Variants in CRAMP1 observed in about 807,000 individuals in gnomAD.
CRAMP1 encodes the protein protein cramped-like.
In CRAMP1, 50 loss-of-function variants were observed where a neutral mutation model predicts 115.4. That is an observed-to-expected ratio of 0.43 (90% confidence interval 0.35 to 0.55). CRAMP1 has a LOEUF of 0.55. CRAMP1 is among the 20% of genes least tolerant of loss of function. The pLI, the probability that CRAMP1 is intolerant of heterozygous loss-of-function variation, is 0.01. For missense variants in CRAMP1, 1,679 were observed against 1,721.7 expected, an observed-to-expected ratio of 0.98 and a Z score of 0.44; for synonymous variants, 866 against 745.4, an observed-to-expected ratio of 1.16 and a Z score of -2.64.
chr16:1,632,706 G>A (rs957699994), intron 4 of CRAMP1, among the ~76,000 whole-genome samples: 1 of 152,238 alleles, frequency 6.6e-6, no homozygotes, highest in Non-Finnish European at 1.5e-5. Flanking sequence ...TAGCACCATG[G>A]TCCAGCGAGG....
chr16:1,652,701 C>A, intron 7 of CRAMP1, 120 bp downstream of exon 7: 2 of 888,252 alleles, frequency 2.3e-6, no homozygotes, highest in Admixed American at 2.2e-5. Flanking sequence ...CTGCTTAATC[C>A]CAGGGCTGCA....
At chr16:1,652,998 C>A (rs368538536) in intron 7 of CRAMP1, 35 bp from the exon 8 acceptor site, 11 of 1,612,644 alleles carry the variant, frequency 6.8e-6, no homozygotes, top group Non-Finnish European at 9.3e-6. Context: ...TAAGGTTGGG[C>A]TGCACTAAAC....
At chr16:1,636,371 CAA>C (rs567829484) in intron 4 of CRAMP1, among the ~76,000 whole-genome samples, 8 of 124,294 alleles carry the variant, frequency 6.4e-5, no homozygotes, top group East Asian at 2.3e-4. Flanking sequence ...AACTCTGTCT[CAA>C]AAAAAAAAAA....
chr16:1,640,397 G>T (rs1306937489), intron 5 of CRAMP1, among the ~76,000 whole-genome samples: 1 of 152,180 alleles, frequency 6.6e-6, no homozygotes, highest in African/African-American at 2.4e-5. Flanking sequence ...TCCGTGCGAG[G>T]TGCATTGTCT....
rs1389573323 is a variant in CRAMP1 at position 1,675,180 on chromosome 16, C to G, written c.*1135C>G. 2 of 152,356 alleles carry G rather than the reference C, an allele frequency of 1.3e-5. No homozygotes were observed. Among genetic ancestry groups the G allele is most frequent in the African/African-American group, 4.8e-5 (2 of 41,458 alleles). 9.4% of individuals were successfully genotyped at this position (152,356 alleles called of 1,614,324 possible). A position where few individuals can be genotyped will look rare whatever the true frequency, so the allele number is the denominator to read the frequency against. On this transcript the variant is annotated 3_prime_UTR_variant, in exon 21 of 21. Transcript: ENST00000397412. The stretch of plus-strand genomic sequence containing the variant: ...GTGGTGGTCTCCCTCCTTGCGCCCT[C>G]TTGGGTGGCCAGCGTTCCTACTGCA...
At chr16:1,653,985 C>CA (rs879391256) in intron 8 of CRAMP1, among the ~76,000 whole-genome samples, 3 of 149,726 alleles carry the variant, frequency 2.0e-5, no homozygotes, top group Non-Finnish European at 4.5e-5. Flanking sequence ...ACTAAAAATA[C>CA]AAAAAAAATT....
chr16:1,654,501 C>T (rs892337553), intron 8 of CRAMP1, among the ~76,000 whole-genome samples: 4 of 152,214 alleles, frequency 2.6e-5, no homozygotes, highest in African/African-American at 4.8e-5. Context: ...CGTGTGCCGC[C>T]GTGCCCGGTG....
chr16:1,632,765 G>A (rs545058375), intron 4 of CRAMP1, among the ~76,000 whole-genome samples: 1 of 152,336 alleles, frequency 6.6e-6, no homozygotes, highest in African/African-American at 2.4e-5. Flanking sequence ...CTGGGGGACG[G>A]CCAGCCTTCC....
At chr16:1,625,849 TC>T (rs1226363428) in intron 2 of CRAMP1, 123 bp from the exon 3 acceptor site, 2 of 950,322 alleles carry the variant, frequency 2.1e-6, no homozygotes, top group African/African-American at 3.3e-5. Context: ...CCTGCCAGCA[TC>T]CTCGGTTGAG....
chr16:1,665,146 C>T lies in CRAMP1; in HGVS notation c.2752+8C>T. The T allele has an allele frequency of 6.3e-7, 1 of 1,593,814 alleles. No homozygotes were observed. ...CTAACTCTTCCGTAACTGGTAAGGACCCTGAGCTTTTCTGGGGTAGCTTGT... is the reference window on the plus strand; with the variant it reads ...CTAACTCTTCCGTAACTGGTAAGGATCCTGAGCTTTTCTGGGGTAGCTTGT... On this transcript the variant is annotated splice_region_variant and intron_variant, in intron 14 of 20. Transcript: ENST00000397412.
At chr16:1,646,956 C>A (rs924204341) in intron 6 of CRAMP1, 9 of 692,294 alleles carry the variant, frequency 1.3e-5, no homozygotes, top group African/African-American at 1.2e-4. Flanking sequence ...GTTGACTGTA[C>A]CGTGTGGTTC....
intron 4 of CRAMP1, among the ~76,000 whole-genome samples, chr16:1,634,026 CAAAA>C (rs35510689): frequency 7.2e-6 from 1 of 138,276 alleles, no homozygotes; most frequent in Non-Finnish European, 1.6e-5. Context: ...GACTCCGTCT[CAAAA>C]AAAAAAAAAG....
At chr16:1,620,771 T>C in intron 2 of CRAMP1, 1 of 447,152 alleles carries the variant, frequency 2.2e-6, no homozygotes, top group Admixed American at 2.4e-5. Context: ...ACCCTGATCC[T>C]CCAGCTCTGT....
intron 10 of CRAMP1, among the ~76,000 whole-genome samples, chr16:1,658,347 T>C (rs893547141): frequency 1.3e-5 from 2 of 151,774 alleles, no homozygotes; most frequent in African/African-American, 4.8e-5. Context: ...TTAGAAGGCT[T>C]TTCAGGTTTG....
intron 3 of CRAMP1, among the ~76,000 whole-genome samples, chr16:1,628,739 G>A (rs559402831): frequency 1.6e-4 from 24 of 152,338 alleles, no homozygotes; most frequent in African/African-American, 5.3e-4. Flanking sequence ...CATGGCCACC[G>A]CTGCCTTTTT....
chr16:1,643,149 G>A (rs1159698524), intron 6 of CRAMP1, among the ~76,000 whole-genome samples: 1 of 152,178 alleles, frequency 6.6e-6, no homozygotes, highest in Non-Finnish European at 1.5e-5. Context: ...TATGGGCTGC[G>A]TGATAGAGTG....
intron 10 of CRAMP1, among the ~76,000 whole-genome samples, chr16:1,657,577 T>A (rs969559110): frequency 1.3e-5 from 2 of 152,194 alleles, no homozygotes; most frequent in Non-Finnish European, 2.9e-5. Flanking sequence ...TCAGAGGCTG[T>A]CACAGAAGAG....
At position 1,666,509 on chromosome 16, in the gene CRAMP1, C is replaced by G. The variant is rs1170337234; in HGVS notation, c.2945C>G (p.Ser982Cys). The change falls in exon 16 of 21, where the codon TCT (serine) becomes TGT (cysteine). Residue 982 changes from serine to cysteine, a missense_variant. By Grantham distance (112) the Ser-to-Cys change is moderately radical (BLOSUM62 -1). Coordinates refer to ENST00000397412, the MANE Select transcript of CRAMP1 (RefSeq NM_020825.4). This position sits in a 1 kb window ranked among gnomAD's most constrained non-coding sequence, Gnocchi z 5.0. The part of the protein sequence containing the change: ...ALDTEGLSGI[S>C]PLSSDEVTGA... Reference sequence around the variant, plus strand: ...GACACCGAGGGCTTGTCTGGCATCTCTCCACTGTCTTCAGACGAGGTGACG... The same window carrying G: ...GACACCGAGGGCTTGTCTGGCATCTGTCCACTGTCTTCAGACGAGGTGACG... The G allele has an allele frequency of 3.1e-6, 5 of 1,613,988 alleles. No homozygotes were observed. Among genetic ancestry groups the G allele is most frequent in the Non-Finnish European group, 4.2e-6 (5 of 1,179,862 alleles).
chr16:1,641,103 A>G (rs1308578429), intron 5 of CRAMP1, 36 bp from the exon 6 acceptor site: 4 of 1,491,404 alleles, frequency 2.7e-6, no homozygotes, highest in Non-Finnish European at 3.7e-6. Flanking sequence ...TCCTAACTAC[A>G]TTGTGGTCTC....
Sources: allele counts gnomAD v4.1 joint callset (sites outside exome capture counted in the v4.1 genomes callset), GRCh38; gene constraint gnomAD v4.1.1; non-coding constraint Gnocchi (gnomAD v3.1); transcripts MANE v1.5; gene names NCBI Gene and HGNC (gene_info 2026-07-23, HGNC 2026-07-21).